POLE: variants seen among roughly 807,000 people sequenced by gnomAD.
POLE encodes the protein DNA polymerase epsilon catalytic subunit A.
A neutral mutation model predicts 279.2 loss-of-function variants in POLE; 188 were observed. That is an observed-to-expected ratio of 0.67 (90% CI 0.60 to 0.76). The LOEUF is 0.76. POLE is among the 30% of genes least tolerant of loss of function. The probability of loss-of-function intolerance (pLI) is 0.00; values close to 1 mark genes in which losing one functional copy is unlikely to be tolerated. For synonymous variants in POLE, 1,214 were observed against 1,172.5 expected (o/e 1.04, Z -0.72); for missense variants, 2,703 against 3,016.7 (o/e 0.90, Z 2.44).
chr12:132,627,925 C>T (rs888695059), intron 45 of POLE, among the ~76,000 whole-genome samples: 1 of 152,232 alleles, frequency 6.6e-6, no homozygotes, highest in Non-Finnish European at 1.5e-5. Flanking sequence ...TAACATTTCA[C>T]CCACAGTAGA....
intron 23 of POLE, among the ~76,000 whole-genome samples, chr12:132,662,629 T>G (rs2042704420): frequency 6.6e-6 from 1 of 152,072 alleles, no homozygotes; most frequent in Admixed American, 6.5e-5. Flanking sequence ...CATCTCGGGT[T>G]TTTACATCAT....
At chr12:132,659,203 A>T (rs5744867) in intron 26 of POLE, 92 bp downstream of exon 26, 12 of 1,314,430 alleles carry the variant, frequency 9.1e-6, no homozygotes. Flanking sequence ...CTCTGTGATG[A>T]GGGGAGCCCT....
intron 41 of POLE, among the ~76,000 whole-genome samples, chr12:132,636,265 G>A (rs1276284628): frequency 6.6e-6 from 1 of 152,010 alleles, no homozygotes; most frequent in African/African-American, 2.4e-5. Context: ...TCGTGCTGGG[G>A]ATGGCCCACA....
Position 132,657,774 on chromosome 12 carries a change from G to A in POLE, c.3378+94C>T, listed in dbSNP as rs1361901882. 2.3e-5 allele frequency: 21 copies of A among 906,488 alleles called. 1 individual carries two copies. The highest frequency in any genetic ancestry group is 2.0e-4 in the South Asian group (14 of 69,288). 56.2% of individuals were successfully genotyped at this position (906,488 alleles called of 1,614,324 possible). A position where few individuals can be genotyped will look rare whatever the true frequency, so the allele number is the denominator to read the frequency against. On this transcript the variant is annotated intron_variant, in intron 27 of 48. Coordinates refer to ENST00000320574, the MANE Select transcript of POLE (RefSeq NM_006231.4). The stretch of plus-strand genomic sequence containing the variant: ...AAAGGAGGAAGTCAAGAGTGAAGAC[G>A]CCAGACAAAAAACATAATCCAACTC...
chr12:132,659,209 G>A lies in POLE; in HGVS notation c.3275+86C>T. 4 of 1,359,792 alleles carry A rather than the reference G, an allele frequency of 2.9e-6. No individual in the cohort carries two copies. In the Admixed American group the frequency reaches 5.9e-5, roughly 20 times the overall value. 84.2% of individuals were successfully genotyped at this position (1,359,792 alleles called of 1,614,324 possible). A position where few individuals can be genotyped will look rare whatever the true frequency, so the allele number is the denominator to read the frequency against. On this transcript the variant is annotated intron_variant, in intron 26 of 48. Transcript: ENST00000320574. ...CCCTCACCTCTCTGTGATGAGGGGA[G>A]CCCTCACCTCTCCGTGACGGAGGGA... is the stretch of plus-strand genomic sequence containing the variant.
At position 132,649,734 on chromosome 12, in the gene POLE, C is replaced by T. The variant is rs545161424; in HGVS notation, c.3738G>A (p.Thr1246=). Residue 1246 remains threonine, a synonymous_variant, in exon 30 of 49, where the codon ACG becomes ACA. Coordinates refer to ENST00000320574, the MANE Select transcript of POLE (RefSeq NM_006231.4). ...WESQEESQDL[T]PTVPWQEILG... Reference sequence around the variant, plus strand: ...AGATTTCCTGCCAGGGCACAGTCGGCGTGAGGTCCTGGGACTCCTCCTGGC... The same window carrying T: ...AGATTTCCTGCCAGGGCACAGTCGGTGTGAGGTCCTGGGACTCCTCCTGGC... The T allele has an allele frequency of 6.8e-6, 11 of 1,614,188 alleles. No individual in the cohort carries two copies. Among genetic ancestry groups the T allele is most frequent in the South Asian group, 2.2e-5 (2 of 91,086 alleles).
At chr12:132,654,846 T>C (rs1293703481) in intron 29 of POLE, among the ~76,000 whole-genome samples, 1 of 152,190 alleles carries the variant, frequency 6.6e-6, no homozygotes, top group Non-Finnish European at 1.5e-5. Flanking sequence ...AGAACAACAT[T>C]TTGGTTGTAT....
intron 3 of POLE, 59 bp downstream of exon 3, chr12:132,680,548 A>C: frequency 7.5e-7 from 1 of 1,334,628 alleles, no homozygotes. Flanking sequence ...CCTGACAGTC[A>C]CAGAGCTACA....
chr12:132,661,275 A>G lies in POLE; in HGVS notation c.2865-111T>C. ...TTCCCTTTCCAACCCTCCACCTGTC[A>G]TCCACGAGGCAGCAAACGTCTCTCT... On this transcript the variant is annotated intron_variant, in intron 24 of 48. Coordinates refer to ENST00000320574, the MANE Select transcript of POLE (RefSeq NM_006231.4). The surrounding 1 kb of genome is among the most constrained non-coding windows in gnomAD (Gnocchi z 4.1). The G allele has an allele frequency of 9.1e-7, 1 of 1,100,670 alleles. No homozygotes were observed. Among genetic ancestry groups the G allele is most frequent in the Non-Finnish European group, 1.3e-6 (1 of 769,356 alleles). 68.2% of individuals were successfully genotyped at this position (1,100,670 alleles called of 1,614,324 possible). A position where few individuals can be genotyped will look rare whatever the true frequency, so the allele number is the denominator to read the frequency against.
chr12:132,687,284 G>A lies in POLE; in HGVS notation c.32C>T (p.Ala11Val), dbSNP rs1060500821. The A allele has an allele frequency of 6.7e-7, 1 of 1,501,090 alleles. No individual in the cohort carries two copies. Among genetic ancestry groups the A allele is most frequent in the Non-Finnish European group, 8.9e-7 (1 of 1,127,030 alleles). 93.0% of individuals were successfully genotyped at this position (1,501,090 alleles called of 1,614,324 possible). The change falls in exon 1 of 49, where the codon GCG (alanine) becomes GTG (valine). Residue 11 changes from alanine to valine, a missense_variant. Around this residue, in one of 5 missense-constraint regions of POLE, gnomAD observed 1,011 missense variants for 1,111.7 expected, o/e 0.91. Coordinates refer to ENST00000320574, the MANE Select transcript of POLE (RefSeq NM_006231.4). The part of the protein sequence containing the change: MSLRSGGRRR[A>V]DPGADGEASR... Reference sequence around the variant, plus strand: ...GGCCTCGCCATCCGCGCCTGGGTCCGCGCGCCGCCGCCCGCCGCTCCTCAG... The same window carrying A: ...GGCCTCGCCATCCGCGCCTGGGTCCACGCGCCGCCGCCCGCCGCTCCTCAG...
intron 32 of POLE, among the ~76,000 whole-genome samples, chr12:132,647,588 C>T (rs901346061): frequency 6.6e-6 from 1 of 152,170 alleles, no homozygotes; most frequent in Non-Finnish European, 1.5e-5. Context: ...AAGATATCAT[C>T]CTGGAGCCCC....
At position 132,661,214 on chromosome 12, in the gene POLE, A is replaced by G. The variant is rs2135946985; in HGVS notation, c.2865-50T>C. ...ACAGCAGTGGCAAGGAGCGCTGGGG[A>G]GCCACCAGCTGTGCCTCATCCTCTC... is the stretch of plus-strand genomic sequence containing the variant. On this transcript the variant is annotated intron_variant, in intron 24 of 48. Coordinates refer to ENST00000320574, the MANE Select transcript of POLE (RefSeq NM_006231.4). This position sits in a 1 kb window ranked among gnomAD's most constrained non-coding sequence, Gnocchi z 4.1. 2.7e-6 allele frequency: 4 copies of G among 1,493,966 alleles called. No individual in the cohort carries two copies. The highest frequency in any genetic ancestry group is 3.6e-6 in the Non-Finnish European group (4 of 1,108,398). 92.5% of individuals were successfully genotyped at this position (1,493,966 alleles called of 1,614,324 possible). A position where few individuals can be genotyped will look rare whatever the true frequency, so the allele number is the denominator to read the frequency against.
chr12:132,632,130 G>A (rs1009512246), intron 45 of POLE, among the ~76,000 whole-genome samples, 185 bp downstream of exon 45: 1 of 152,184 alleles, frequency 6.6e-6, no homozygotes, highest in Non-Finnish European at 1.5e-5. Context: ...TTGCACAGCT[G>A]AAAGCCTCAT....
chr12:132,625,526 G>A, intron 47 of POLE, 119 bp downstream of exon 47: 1 of 1,291,238 alleles, frequency 7.7e-7, no homozygotes, highest in Non-Finnish European at 1.1e-6. Context: ...CTGCAGGGCA[G>A]GCCCCTTGGA....
At chr12:132,637,887 C>A in intron 41 of POLE, 127 bp downstream of exon 41, 1 of 1,044,732 alleles carries the variant, frequency 9.6e-7, no homozygotes, top group African/African-American at 1.6e-5. Flanking sequence ...CTCAGATTCA[C>A]CATGGTGAGT....
chr12:132,658,881 CAAAAAAAAAA>C (rs1167117347), intron 26 of POLE, among the ~76,000 whole-genome samples: 13 of 33,836 alleles, frequency 3.8e-4, no homozygotes, highest in Admixed American at 2.3e-3. Context: ...ATATAACCAC[CAAAAAAAAAA>C]AAAAAAAAAA....
intron 25 of POLE, 66 bp downstream of exon 25, chr12:132,660,903 C>T (rs528526319): frequency 8.9e-6 from 12 of 1,353,968 alleles, no homozygotes; most frequent in Middle Eastern, 2.2e-4. Flanking sequence ...CCAGGAAGCA[C>T]GGGGTCCCCT....
At chr12:132,657,113 C>T (rs1242056705) in intron 29 of POLE, 23 bp downstream of exon 29, 3 of 1,613,094 alleles carry the variant, frequency 1.9e-6, no homozygotes, top group Non-Finnish European at 2.5e-6. Flanking sequence ...CCGCCCAGCC[C>T]AGCCTTGGGG....
chr12:132,676,208 G>C lies in POLE; in HGVS notation c.910-4C>G, dbSNP rs1555229332. ...CCCTGTTGGTGATGAGGTAGCCCTA[G>C]CCAAGTTCATTAGCAATCAGCACAA... On this transcript the variant is annotated splice_polypyrimidine_tract_variant and splice_region_variant and intron_variant, in intron 9 of 48. Coordinates refer to ENST00000320574, the MANE Select transcript of POLE (RefSeq NM_006231.4). 1.9e-6 allele frequency: 3 copies of C among 1,604,548 alleles called. No homozygotes were observed. The highest frequency in any genetic ancestry group is 2.6e-6 in the Non-Finnish European group (3 of 1,172,102).
Sources: gnomAD v4.1 joint callset for allele counts (sites outside exome capture counted in the v4.1 genomes callset) on GRCh38, gnomAD v4.1.1 for gene constraint, gnomAD v4.1.1 regional missense constraint, Gnocchi (gnomAD v3.1) non-coding constraint, MANE v1.5 for transcripts, NCBI Gene and HGNC (gene_info 2026-07-23, HGNC 2026-07-21) for gene names.